PARD3: variants seen among roughly 807,000 people sequenced by gnomAD.
The protein encoded by PARD3 is par-3 family cell polarity regulator, also known as partitioning defective 3 homolog.
In PARD3, 75 loss-of-function variants were observed where a neutral mutation model predicts 155.4. The ratio of observed to expected loss-of-function variants is 0.48; its 90% CI spans 0.40 to 0.58. The LOEUF (loss-of-function observed/expected upper bound fraction) is 0.58, where lower values mean the gene tolerates loss of function less well. PARD3 is among the 20% of genes least tolerant of loss of function. The pLI, the probability that PARD3 is intolerant of heterozygous loss-of-function variation, is 0.00. For missense variants in PARD3, 1,642 were observed against 1,721.7 expected (o/e 0.95, Z 0.82); for synonymous variants, 576 against 610.5 (o/e 0.94, Z 0.83).
intron 22 of PARD3, among the ~76,000 whole-genome samples, chr10:34,208,638 T>C (rs1306877382): frequency 6.6e-6 from 1 of 152,186 alleles, no homozygotes; most frequent in East Asian, 1.9e-4. Flanking sequence ...CAGAAATGTG[T>C]TAAGCGTGAC....
At chr10:34,288,535 T>C (rs1249045873) in intron 20 of PARD3, among the ~76,000 whole-genome samples, 10 of 152,206 alleles carry the variant, frequency 6.6e-5, no homozygotes, top group Admixed American at 6.5e-4. Context: ...TAATTTATAG[T>C]TGCTTAATTC....
At chr10:34,727,840 A>T in intron 1 of PARD3, among the ~76,000 whole-genome samples, 1 of 148,658 alleles carries the variant, frequency 6.7e-6, no homozygotes. Context: ...ACACGCACGC[A>T]CGCAGGTGAA....
rs78983471 is a variant in PARD3 at position 34,337,913 on chromosome 10, C to T, written c.2409-487G>A. Among the ~76,000 whole-genome samples, 998 of 152,306 alleles carry T rather than the reference C, an allele frequency of 6.6e-3. 6 individuals are homozygous for T. Among genetic ancestry groups the T allele is most frequent in the Admixed American group, 0.01 (160 of 15,306 alleles). On this transcript the variant is annotated intron_variant, in intron 16 of 24. Coordinates refer to ENST00000374788, the MANE Select transcript of PARD3 (RefSeq NM_001184785.2). ...GTGTTTTAAGGAAAGAAAAAAAATG[C>T]CATTATGGCATGCCATTTCATAAGG...
At chr10:34,747,074 A>G (rs961749037) in intron 1 of PARD3, among the ~76,000 whole-genome samples, 4 of 152,218 alleles carry the variant, frequency 2.6e-5, no homozygotes, top group East Asian at 1.9e-4. Context: ...AGTATCTTCA[A>G]TTAAAGATAT....
chr10:34,665,855 CAGA>C (rs2093446444), intron 2 of PARD3, among the ~76,000 whole-genome samples: 41 of 133,054 alleles, frequency 3.1e-4, no homozygotes, highest in Admixed American at 2.9e-3. Flanking sequence ...CAGAACAGAA[CAGA>C]ACAGAACAGA....
chr10:34,399,898 A>T (rs1271672146), intron 6 of PARD3, among the ~76,000 whole-genome samples: 1 of 152,324 alleles, frequency 6.6e-6, no homozygotes, highest in African/African-American at 2.4e-5. Flanking sequence ...TCTAATTTAC[A>T]AAGTGCTCTT....
At chr10:34,779,674 C>T (rs979313658) in intron 1 of PARD3, among the ~76,000 whole-genome samples, 7 of 152,186 alleles carry the variant, frequency 4.6e-5, no homozygotes, top group African/African-American at 1.7e-4. Context: ...TTTAAATTTT[C>T]TTCAAGAAAC....
At chr10:34,618,050 T>C (rs1196235647) in intron 2 of PARD3, among the ~76,000 whole-genome samples, 7 of 152,184 alleles carry the variant, frequency 4.6e-5, no homozygotes, top group Admixed American at 2.6e-4. Context: ...TAGAGGACCG[T>C]CAAAACTATG....
intron 24 of PARD3, among the ~76,000 whole-genome samples, chr10:34,116,911 G>A (rs890236005): frequency 5.9e-5 from 9 of 152,370 alleles, no homozygotes; most frequent in South Asian, 2.1e-4. Flanking sequence ...CGCAGGGAGA[G>A]GCGGAGAAGG....
chr10:34,553,382 C>G (rs1366181600), intron 2 of PARD3, among the ~76,000 whole-genome samples: 4 of 152,178 alleles, frequency 2.6e-5, no homozygotes, highest in Admixed American at 1.3e-4. Flanking sequence ...GTTTTAGATT[C>G]AGAGAAGTTA....
intron 4 of PARD3, among the ~76,000 whole-genome samples, chr10:34,459,133 C>T (rs1589651741): frequency 6.6e-6 from 1 of 152,108 alleles, no homozygotes; most frequent in Admixed American, 6.6e-5. Context: ...AAGTGCTTAA[C>T]TTTGAAGGCA....
chr10:34,769,804 C>CAA (rs58592886), intron 1 of PARD3, among the ~76,000 whole-genome samples: 4,047 of 142,304 alleles, frequency 0.028, 89 homozygotes, highest in African/African-American at 0.031. Context: ...AAAAACAAAA[C>CAA]AAAAAAAAAA....
chr10:34,292,211 T>C (rs1362746766), intron 20 of PARD3, among the ~76,000 whole-genome samples: 2 of 152,224 alleles, frequency 1.3e-5, no homozygotes, highest in Admixed American at 1.3e-4. Context: ...TTATCATTTG[T>C]AATGACATGC....
intron 12 of PARD3, among the ~76,000 whole-genome samples, chr10:34,367,594 C>A (rs1233923978): frequency 1.3e-5 from 2 of 152,206 alleles, no homozygotes; most frequent in African/African-American, 2.4e-5. Context: ...ATCCCAGCTA[C>A]TCGGGAGGCT....
intron 2 of PARD3, among the ~76,000 whole-genome samples, chr10:34,527,573 A>T (rs1459022970): frequency 6.6e-6 from 1 of 152,206 alleles, no homozygotes; most frequent in Admixed American, 6.5e-5. Flanking sequence ...CTTAACAGTG[A>T]TTTATTTTCA....
intron 1 of PARD3, among the ~76,000 whole-genome samples, chr10:34,800,038 G>A (rs1389511089): frequency 1.3e-5 from 2 of 151,870 alleles, no homozygotes; most frequent in Non-Finnish European, 2.9e-5. Flanking sequence ...GCTGAGGCAG[G>A]AAGAATGCTT....
intron 2 of PARD3, chr10:34,675,733 T>TTC: frequency 5.6e-6 from 1 of 179,846 alleles, no homozygotes; most frequent in Non-Finnish European, 1.2e-5. Flanking sequence ...CAACCAACCT[T>TTC]TCTACAGGGT....
At chr10:34,219,268 A>T (rs1309127850) in intron 22 of PARD3, among the ~76,000 whole-genome samples, 1 of 152,222 alleles carries the variant, frequency 6.6e-6, no homozygotes, top group Non-Finnish European at 1.5e-5. Context: ...GCCTGGCAGT[A>T]GGAAATGTTG....
chr10:34,574,228 G>T (rs562513926), intron 2 of PARD3, among the ~76,000 whole-genome samples: 2 of 152,224 alleles, frequency 1.3e-5, no homozygotes, highest in South Asian at 4.2e-4. Context: ...GGACTTATGG[G>T]TTAAAAATCA....
Sources: allele counts gnomAD v4.1 joint callset (sites outside exome capture counted in the v4.1 genomes callset), GRCh38; gene constraint gnomAD v4.1.1; transcripts MANE v1.5; gene names NCBI Gene and HGNC (gene_info 2026-07-23, HGNC 2026-07-21).